The following SCFD2 variants were observed in gnomAD, a reference collection of about 807,000 sequenced individuals.
SCFD2 encodes the protein sec1 family domain-containing protein 2.
Under a neutral mutation model 58.9 loss-of-function variants are expected in SCFD2, and 54 were observed. The ratio of observed to expected loss-of-function variants is 0.92; its 90% confidence interval spans 0.74 to 1.15. The LOEUF (loss-of-function observed/expected upper bound fraction) is 1.15. Among genes scored for constraint, SCFD2 ranks in the 50% most tolerant of loss-of-function variants. The pLI is 0.00. For synonymous variants in SCFD2, 321 were observed against 335.9 expected, an observed-to-expected ratio of 0.96 and a Z score of 0.49; for missense variants, 805 against 836.6, an observed-to-expected ratio of 0.96 and a Z score of 0.47.
intron 5 of SCFD2, among the ~76,000 whole-genome samples, chr4:53,038,305 C>T (rs552683909): frequency 6.6e-6 from 1 of 152,250 alleles, no homozygotes; most frequent in Admixed American, 6.5e-5. Context: ...GTTGGCAAAT[C>T]CTTTCATGAG....
chr4:52,992,297 G>A (rs181104301), intron 5 of SCFD2, among the ~76,000 whole-genome samples: 8 of 152,326 alleles, frequency 5.3e-5, no homozygotes, highest in African/African-American at 1.4e-4. Context: ...CTGAGGTGCC[G>A]GGATTGCAGA....
chr4:52,879,999 C>G (rs543061180), intron 8 of SCFD2, among the ~76,000 whole-genome samples: 12 of 152,318 alleles, frequency 7.9e-5, no homozygotes, highest in African/African-American at 2.6e-4. Flanking sequence ...GCTGTATAGG[C>G]ACACGCACAC....
intron 5 of SCFD2, among the ~76,000 whole-genome samples, chr4:52,977,833 A>C (rs1410096235): frequency 6.6e-6 from 1 of 152,190 alleles, no homozygotes; most frequent in Non-Finnish European, 1.5e-5. Context: ...CTACAGCCTA[A>C]GAAGGATGAA....
intron 5 of SCFD2, among the ~76,000 whole-genome samples, chr4:52,929,896 T>C (rs1719950744): frequency 1.3e-5 from 2 of 152,196 alleles, no homozygotes; most frequent in African/African-American, 2.4e-5. Context: ...TCCATGCTCA[T>C]GGATAGAATC....
At chr4:52,982,990 T>C (rs181020036) in intron 5 of SCFD2, among the ~76,000 whole-genome samples, 81 of 152,312 alleles carry the variant, frequency 5.3e-4, no homozygotes, top group African/African-American at 1.8e-3. Context: ...TTCTCTAACC[T>C]CTCAGAGAGG....
chr4:53,316,262 T>C (rs938645478), intron 2 of SCFD2, among the ~76,000 whole-genome samples: 1 of 152,232 alleles, frequency 6.6e-6, no homozygotes. Flanking sequence ...GGTCCTTCTA[T>C]GAAGGCAGGG....
At chr4:53,333,954 A>C (rs1733588297) in intron 2 of SCFD2, among the ~76,000 whole-genome samples, 1 of 146,906 alleles carries the variant, frequency 6.8e-6, no homozygotes, top group Non-Finnish European at 1.5e-5. Context: ...ATGAGCAGAC[A>C]CTTCTCAAAA....
chr4:53,328,841 A>G (rs1420078143), intron 2 of SCFD2, among the ~76,000 whole-genome samples: 1 of 152,240 alleles, frequency 6.6e-6, no homozygotes, highest in East Asian at 1.9e-4. Flanking sequence ...TACCAGGTTC[A>G]TCTCACTAGG....
intron 2 of SCFD2, among the ~76,000 whole-genome samples, chr4:53,341,932 T>C (rs1314030859): frequency 6.6e-6 from 1 of 152,214 alleles, no homozygotes; most frequent in Non-Finnish European, 1.5e-5. Flanking sequence ...CCACCAGGTC[T>C]GCTTTACAAG....
At chr4:53,233,980 A>T (rs1384473124) in intron 4 of SCFD2, among the ~76,000 whole-genome samples, 1 of 152,198 alleles carries the variant, frequency 6.6e-6, no homozygotes, top group Non-Finnish European at 1.5e-5. Flanking sequence ...TAATCCCAGT[A>T]CTCATAAAAA....
chr4:53,127,599 G>C (rs1725664787), intron 5 of SCFD2, among the ~76,000 whole-genome samples: 2 of 152,336 alleles, frequency 1.3e-5, no homozygotes. Context: ...GTTCAGAGAA[G>C]GCTGATCTCA....
intron 5 of SCFD2, among the ~76,000 whole-genome samples, chr4:53,038,969 C>T (rs1722829954): frequency 1.3e-5 from 2 of 152,192 alleles, no homozygotes; most frequent in African/African-American, 2.4e-5. Context: ...GAATTATAGG[C>T]GTGAGTCACC....
chr4:52,949,178 ATTTTACAT>A (rs1334099413), intron 5 of SCFD2: 1 of 152,222 alleles, frequency 6.6e-6, no homozygotes, highest in Non-Finnish European at 1.5e-5. Flanking sequence ...ACACACACAT[ATTTTACAT>A]TTCATTCAAA....
At chr4:53,247,579 G>T (rs1243241442) in intron 4 of SCFD2, among the ~76,000 whole-genome samples, 6 of 152,132 alleles carry the variant, frequency 3.9e-5, no homozygotes, top group African/African-American at 7.2e-5. Context: ...ACAAGATCAG[G>T]CCGGGCGCGG....
intron 4 of SCFD2, among the ~76,000 whole-genome samples, chr4:53,255,224 T>C (rs554774766): frequency 6.6e-6 from 1 of 151,428 alleles, no homozygotes; most frequent in Non-Finnish European, 1.5e-5. Context: ...TTTATTTATT[T>C]ATTTTTTATG....
chr4:53,121,784 C>G (rs753380002), intron 5 of SCFD2, among the ~76,000 whole-genome samples: 6 of 152,156 alleles, frequency 3.9e-5, no homozygotes, highest in Non-Finnish European at 7.3e-5. Context: ...GCAGCCCTGC[C>G]TGCATATTGT....
intron 5 of SCFD2, among the ~76,000 whole-genome samples, chr4:52,961,882 G>A (rs373739926): frequency 6.9e-4 from 105 of 152,292 alleles, no homozygotes; most frequent in African/African-American, 2.5e-3. Context: ...TAAGCAGAAG[G>A]CAGTTATAGA....
intron 4 of SCFD2, among the ~76,000 whole-genome samples, chr4:53,259,417 A>C (rs550969357): frequency 3.3e-5 from 5 of 152,222 alleles, no homozygotes; most frequent in Non-Finnish European, 7.3e-5. Context: ...ATGAGGATCC[A>C]GTTTCATTCT....
At chr4:52,963,274 A>C (rs1219597689) in intron 5 of SCFD2, among the ~76,000 whole-genome samples, 1 of 152,252 alleles carries the variant, frequency 6.6e-6, no homozygotes, top group Non-Finnish European at 1.5e-5. Context: ...GGGTTAAAAA[A>C]ATAAAATCTT....
Sources: allele counts gnomAD v4.1 joint callset (sites outside exome capture counted in the v4.1 genomes callset), GRCh38; gene constraint gnomAD v4.1.1; transcripts MANE v1.5; gene names NCBI Gene and HGNC (gene_info 2026-07-23, HGNC 2026-07-21).